The following RABGAP1 variants were observed in gnomAD, a reference collection of about 807,000 sequenced individuals.
The protein encoded by RABGAP1 is rab GTPase-activating protein 1.
In RABGAP1, 23 loss-of-function variants were observed where a neutral mutation model predicts 137.6. The ratio of observed to expected loss-of-function variants is 0.17; its 90% CI spans 0.12 to 0.24. The LOEUF is 0.24. Among genes scored for constraint, RABGAP1 ranks in the 10% least tolerant of loss-of-function variants. RABGAP1 has a pLI of 1.00. For missense variants in RABGAP1, 906 were observed against 1,275.8 expected (o/e 0.71, Z 4.42); for synonymous variants, 451 against 450.7 (o/e 1.00, Z -0.01).
chr9:122,945,163 T>TTTTTTTTTTTTTTTTTTTTTTTTG (rs1833881317), intron 1 of RABGAP1, among the ~76,000 whole-genome samples: 1 of 144,132 alleles, frequency 6.9e-6, no homozygotes. Context: ...TTTTTTTTTT[T>TTTTTTTTTTTTTTTTTTTTTTTTG]AGCATAAACT....
At chr9:123,091,973 A>G (rs1326060882) in intron 21 of RABGAP1, among the ~76,000 whole-genome samples, 2 of 152,152 alleles carry the variant, frequency 1.3e-5, no homozygotes, top group Non-Finnish European at 2.9e-5. Context: ...GGACTACTGA[A>G]GCAGGGCCAG....
chr9:123,027,334 T>G (rs994456158), intron 13 of RABGAP1, among the ~76,000 whole-genome samples: 1 of 152,210 alleles, frequency 6.6e-6, no homozygotes, highest in African/African-American at 2.4e-5. Flanking sequence ...CAGGATGGCC[T>G]CGATCTCTTG....
chr9:123,074,506 G>A, intron 17 of RABGAP1, 78 bp downstream of exon 17: 1 of 1,412,484 alleles, frequency 7.1e-7, no homozygotes, highest in South Asian at 1.4e-5. Context: ...TTGAGTGTCA[G>A]CTCTGTCAAA....
chr9:122,984,893 A>G (rs1310338845), intron 3 of RABGAP1, among the ~76,000 whole-genome samples, 174 bp downstream of exon 3: 3 of 152,220 alleles, frequency 2.0e-5, no homozygotes, highest in African/African-American at 7.2e-5. Context: ...AGGAGTAAAA[A>G]TATATATACC....
At chr9:123,026,833 T>G (rs984588729) in intron 13 of RABGAP1, among the ~76,000 whole-genome samples, 2 of 152,224 alleles carry the variant, frequency 1.3e-5, no homozygotes, top group African/African-American at 4.8e-5. Context: ...TGTTGGTGGC[T>G]TAGCTTCTTA....
At position 123,057,687 on chromosome 9, in the gene RABGAP1, G is replaced by A. The variant is rs1409420686; in HGVS notation, c.1795-7661G>A. ...AGAGGCTGCAATCTCGGCACTTTGG[G>A]GGGCCAAGGCAGGCAGCTGGTAGGT... On this transcript the variant is annotated intron_variant, in intron 13 of 25. Transcript: ENST00000373647. 2.6e-5 allele frequency among the ~76,000 whole-genome samples: 4 copies of A among 152,290 alleles called. No individual in the cohort carries two copies. The East Asian group carries it at 7.7e-4, about 29-fold the overall frequency.
chr9:123,057,080 A>T (rs1485379779), intron 13 of RABGAP1, among the ~76,000 whole-genome samples: 1 of 149,892 alleles, frequency 6.7e-6, no homozygotes, highest in Non-Finnish European at 1.5e-5. Context: ...CACCTCCCGG[A>T]CGGGGCGGCT....
At chr9:123,042,952 C>G (rs2033022628) in intron 13 of RABGAP1, among the ~76,000 whole-genome samples, 1 of 152,062 alleles carries the variant, frequency 6.6e-6, no homozygotes, top group Non-Finnish European at 1.5e-5. Flanking sequence ...TCTAAACATA[C>G]AAAGTATAGG....
chr9:122,974,388 T>G (rs1198900752), intron 2 of RABGAP1, among the ~76,000 whole-genome samples: 1 of 151,594 alleles, frequency 6.6e-6, no homozygotes, highest in Non-Finnish European at 1.5e-5. Flanking sequence ...TGCTTTTCTT[T>G]TCCTCCCAAG....
intron 13 of RABGAP1, chr9:123,029,828 C>A: frequency 2.4e-6 from 1 of 408,798 alleles, no homozygotes; most frequent in Non-Finnish European, 4.6e-6. Flanking sequence ...CTCATTTTTA[C>A]CAAATAATAA....
intron 2 of RABGAP1, among the ~76,000 whole-genome samples, chr9:122,959,104 C>T (rs1834703820): frequency 6.6e-6 from 1 of 151,862 alleles, no homozygotes; most frequent in African/African-American, 2.4e-5. Flanking sequence ...GAGTGAATGA[C>T]AGGTGCTTTT....
chr9:123,011,260 CGGTT>C (rs1564131058), intron 11 of RABGAP1, among the ~76,000 whole-genome samples: 3 of 151,984 alleles, frequency 2.0e-5, no homozygotes, highest in Non-Finnish European at 4.4e-5. Flanking sequence ...GAGGAGAATT[CGGTT>C]TTCATTGTGG....
Position 122,989,479 on chromosome 9 carries a change from C to T in RABGAP1, c.765+8C>T. 1 of 1,613,294 alleles carries T rather than the reference C, an allele frequency of 6.2e-7. No homozygotes were observed. The highest frequency in any genetic ancestry group is 2.2e-5 in the East Asian group (1 of 44,846). The stretch of plus-strand genomic sequence containing the variant: ...TGTGAAATACAAGAAGCTGTAAGTC[C>T]TCAAGAGAAAACTCTCTGCAAATGA... On this transcript the variant is annotated splice_region_variant and intron_variant, in intron 5 of 25. Coordinates refer to ENST00000373647, the MANE Select transcript of RABGAP1 (RefSeq NM_012197.4).
chr9:123,061,383 A>G (rs1219618151), intron 13 of RABGAP1, among the ~76,000 whole-genome samples: 3 of 152,220 alleles, frequency 2.0e-5, no homozygotes, highest in African/African-American at 7.2e-5. Flanking sequence ...CCAAAGTGCT[A>G]GGATTACAGG....
chr9:123,101,647 G>A lies in RABGAP1; in HGVS notation c.2971G>A (p.Val991Ile). ...RVKGISSTKE[V>I]LDEDTDEEKE... ...AAAAGGCATAAGCTCAACCAAGGAG[G>A]TTTTAGATGAGGACACGGATGAAGA... is the stretch of plus-strand genomic sequence containing the variant. Residue 991 changes from valine (V) to isoleucine (I), a missense_variant, in exon 25 of 26, where the codon GTT (valine) becomes ATT (isoleucine). Val to Ile is a conservative substitution (Grantham distance 29). This residue lies in a region of RABGAP1 where 193 missense variants were observed against 248.1 expected (regional missense o/e 0.78). Coordinates refer to ENST00000373647, the MANE Select transcript of RABGAP1 (RefSeq NM_012197.4). 6.2e-7 allele frequency: 1 copy of A among 1,614,148 alleles called. No individual in the cohort carries two copies. The highest frequency in any genetic ancestry group is 8.5e-7 in the Non-Finnish European group (1 of 1,180,018).
rs544256379 is a variant in RABGAP1 at position 122,999,343 on chromosome 9, C to T, written c.1374+577C>T. Among the ~76,000 whole-genome samples, 19 of 151,954 alleles carry T rather than the reference C, an allele frequency of 1.3e-4. No individual in the cohort carries two copies. In the East Asian group the frequency reaches 2.1e-3, roughly 17 times the overall value. On this transcript the variant is annotated intron_variant, in intron 10 of 25. Coordinates refer to ENST00000373647, the MANE Select transcript of RABGAP1 (RefSeq NM_012197.4). ...GGACTAAAGTGTATGCCAGCATGCC[C>T]GGCTAATTTTTTTTTTTTTGTAATT...
intron 13 of RABGAP1, among the ~76,000 whole-genome samples, chr9:123,057,633 T>C (rs1446213870): frequency 6.6e-6 from 1 of 152,104 alleles, no homozygotes; most frequent in African/African-American, 2.4e-5. Flanking sequence ...GAGACGCTCC[T>C]CACTTCCCAG....
At chr9:123,095,088 G>A (rs2035139236) in intron 21 of RABGAP1, among the ~76,000 whole-genome samples, 1 of 151,804 alleles carries the variant, frequency 6.6e-6, no homozygotes, top group African/African-American at 2.4e-5. Context: ...TTAGCTGGCT[G>A]TGGTGTCACA....
rs986730657 is a variant in RABGAP1 at position 123,010,410 on chromosome 9, G to C, written c.1431G>C (p.Leu477Phe). 6.2e-7 allele frequency: 1 copy of C among 1,613,588 alleles called. No individual in the cohort carries two copies. The highest frequency in any genetic ancestry group is 8.5e-7 in the Non-Finnish European group (1 of 1,179,636). Residue 477 changes from leucine (L) to phenylalanine (F), a missense_variant, in exon 11 of 26, where the codon TTG becomes TTC. Coordinates refer to ENST00000373647, the MANE Select transcript of RABGAP1 (RefSeq NM_012197.4). Reference protein sequence around the residue: ...NTDTLYEVVCLESESERERRK... With the variant: ...NTDTLYEVVCFESESERERRK... ...ACACTTTATATGAAGTTGTATGCTT[G>C]GAAAGTGAATCAGAAAGAGAGAGGA...
Sources: allele counts gnomAD v4.1 joint callset (sites outside exome capture counted in the v4.1 genomes callset), GRCh38; gene constraint gnomAD v4.1.1; regional missense constraint gnomAD v4.1.1; transcripts MANE v1.5; gene names NCBI Gene and HGNC (gene_info 2026-07-23, HGNC 2026-07-21).